RIMS2: variants seen among roughly 807,000 people sequenced by gnomAD.
RIMS2 encodes regulating synaptic membrane exocytosis 2, also known as regulating synaptic membrane exocytosis protein 2.
Under a neutral mutation model 174.4 loss-of-function variants are expected in RIMS2, and 59 were observed. The observed-to-expected ratio is 0.34, with a 90% confidence interval of 0.27 to 0.42. The LOEUF is 0.42. RIMS2 is among the 10% of genes least tolerant of loss of function. RIMS2 has a pLI of 1.00. For missense variants in RIMS2, 1,620 were observed against 1,666.3 expected (o/e 0.97, Z 0.48); for synonymous variants, 606 against 572.5 (o/e 1.06, Z -0.84).
At chr8:104,131,204 C>T (rs2098470968) in intron 19 of RIMS2, among the ~76,000 whole-genome samples, 1 of 152,114 alleles carries the variant, frequency 6.6e-6, no homozygotes, top group Non-Finnish European at 1.5e-5. Flanking sequence ...GCATAGAGTC[C>T]AGCATAGATT....
chr8:103,581,383 A>G (rs2093611120), intron 1 of RIMS2, among the ~76,000 whole-genome samples: 1 of 152,218 alleles, frequency 6.6e-6, no homozygotes, highest in Non-Finnish European at 1.5e-5. Context: ...CTATATGATC[A>G]TTTCAATAGA....
At chr8:103,575,394 C>T (rs1307391494) in intron 1 of RIMS2, among the ~76,000 whole-genome samples, 7 of 152,046 alleles carry the variant, frequency 4.6e-5, no homozygotes, top group Admixed American at 4.6e-4. Flanking sequence ...CAAAGCTGAA[C>T]ATATGATACC....
intron 3 of RIMS2, among the ~76,000 whole-genome samples, chr8:103,773,014 A>G (rs957674868): frequency 1.4e-4 from 22 of 152,170 alleles, no homozygotes; most frequent in African/African-American, 4.8e-4. Context: ...ATTGGAGAAT[A>G]TTATTTGATC....
At chr8:104,172,903 C>T (rs948978587) in intron 19 of RIMS2, among the ~76,000 whole-genome samples, 1 of 152,166 alleles carries the variant, frequency 6.6e-6, no homozygotes, top group African/African-American at 2.4e-5. Flanking sequence ...TCAGTTCTTT[C>T]CAAACTCCAA....
At chr8:104,043,232 G>T (rs1168070075) in intron 19 of RIMS2, among the ~76,000 whole-genome samples, 14 of 151,574 alleles carry the variant, frequency 9.2e-5, no homozygotes, top group Non-Finnish European at 1.5e-5. Context: ...TATAAACTAG[G>T]CTTCTTGATG....
chr8:103,792,664 A>G (rs1028176223), intron 3 of RIMS2, among the ~76,000 whole-genome samples: 2 of 150,850 alleles, frequency 1.3e-5, no homozygotes, highest in Admixed American at 6.6e-5. Flanking sequence ...TTAAAGATCA[A>G]CAAAATTGAT....
At chr8:103,719,215 A>C (rs1423445489) in intron 2 of RIMS2, among the ~76,000 whole-genome samples, 1 of 152,192 alleles carries the variant, frequency 6.6e-6, no homozygotes, top group East Asian at 1.9e-4. Context: ...CACTGGAGTC[A>C]TTAGTCATGA....
At chr8:103,917,219 G>C (rs2076781439) in intron 8 of RIMS2, among the ~76,000 whole-genome samples, 1 of 152,098 alleles carries the variant, frequency 6.6e-6, no homozygotes, top group Non-Finnish European at 1.5e-5. Flanking sequence ...GCAGATTTGG[G>C]GTAAGAGCAT....
rs192457952 is a variant in RIMS2 at position 103,704,420 on chromosome 8, C to T, written c.387+7124C>T. ...TTCATCAGAGATAATGGCCTCTAGT[C>T]GTCATTGTTGTTGTTTCTGTGTCTT... is the stretch of plus-strand genomic sequence containing the variant. On this transcript the variant is annotated intron_variant, in intron 2 of 23. Coordinates refer to ENST00000504942, the Ensembl canonical transcript of RIMS2. Among the ~76,000 whole-genome samples the T allele has an allele frequency of 5.3e-5, 8 of 151,842 alleles. No homozygotes were observed. The East Asian group carries it at 1.4e-3, about 26-fold the overall frequency.
chr8:104,072,584 C>T (rs1448339303), intron 19 of RIMS2, among the ~76,000 whole-genome samples: 2 of 152,086 alleles, frequency 1.3e-5, no homozygotes, highest in Non-Finnish European at 2.9e-5. Flanking sequence ...ATGCTGTCTC[C>T]TGAGCTGTAT....
intron 1 of RIMS2, among the ~76,000 whole-genome samples, chr8:103,617,440 C>A (rs934686389): frequency 6.6e-6 from 1 of 152,142 alleles, no homozygotes; most frequent in African/African-American, 2.4e-5. Context: ...CCATTCTGGA[C>A]ACAGGAATGG....
intron 19 of RIMS2, among the ~76,000 whole-genome samples, chr8:104,159,933 G>A (rs1566757522): frequency 6.6e-6 from 1 of 152,168 alleles, no homozygotes; most frequent in Non-Finnish European, 1.5e-5. Flanking sequence ...GAGGTCAGGA[G>A]TTCAAGAGCA....
At chr8:103,739,205 A>C (rs1198416094) in intron 2 of RIMS2, among the ~76,000 whole-genome samples, 2 of 152,232 alleles carry the variant, frequency 1.3e-5, no homozygotes, top group African/African-American at 4.8e-5. Context: ...AGCCATAAAA[A>C]AGGATGAGTT....
chr8:104,156,960 T>C (rs2098728276), intron 19 of RIMS2, among the ~76,000 whole-genome samples: 1 of 152,234 alleles, frequency 6.6e-6, no homozygotes, highest in African/African-American at 2.4e-5. Flanking sequence ...GTAATAGTAT[T>C]ATCTTTTCAC....
At chr8:103,771,209 CTTTA>C (rs1187093406) in intron 3 of RIMS2, among the ~76,000 whole-genome samples, 27 of 152,098 alleles carry the variant, frequency 1.8e-4, no homozygotes, top group African/African-American at 6.5e-4. Flanking sequence ...AATTGCAATT[CTTTA>C]TCAACTTAGA....
At chr8:104,248,901 C>CTCTCTCTCTCTCTCTT in intron 21 of RIMS2, 88 bp downstream of exon 27, 3 of 680,544 alleles carry the variant, frequency 4.4e-6, no homozygotes, top group Admixed American at 2.5e-5. Context: ...TTCTCTCTCT[C>CTCTCTCTCTCTCTCTT]TCTCTCTCTC....
At chr8:103,960,082 G>C (rs1201292572) in intron 14 of RIMS2, among the ~76,000 whole-genome samples, 4 of 152,144 alleles carry the variant, frequency 2.6e-5, no homozygotes, top group Admixed American at 6.5e-5. Flanking sequence ...TTTTTTAAAA[G>C]ATCGACAAAA....
chr8:104,041,413 A>G, intron 19 of RIMS2, 55 bp downstream of exon 22: 1 of 660,086 alleles, frequency 1.5e-6, no homozygotes, highest in Non-Finnish European at 2.8e-6. Context: ...TTGTCCTAGA[A>G]ATGTTTAATC....
At chr8:104,239,600 T>C (rs2099276157) in intron 19 of RIMS2, among the ~76,000 whole-genome samples, 1 of 152,294 alleles carries the variant, frequency 6.6e-6, no homozygotes, top group East Asian at 1.9e-4. Flanking sequence ...TGTACACTTT[T>C]TAAAATAATG....
Sources: gnomAD v4.1 joint callset for allele counts (sites outside exome capture counted in the v4.1 genomes callset) on GRCh38, gnomAD v4.1.1 for gene constraint, MANE v1.5 for transcripts, NCBI Gene and HGNC (gene_info 2026-07-23, HGNC 2026-07-21) for gene names.